Variants in EPB41L2 observed in about 807,000 individuals in gnomAD.
EPB41L2 encodes the protein erythrocyte membrane protein band 4.1 like 2, also known as band 4.1-like protein 2.
In EPB41L2, 43 loss-of-function variants were observed where a neutral mutation model predicts 113.0. That is an observed-to-expected ratio of 0.38 (90% CI 0.30 to 0.49). EPB41L2 has a LOEUF of 0.49. EPB41L2 is among the 20% of genes least tolerant of loss of function. EPB41L2 has a pLI of 0.95. For missense variants in EPB41L2, 1,147 were observed against 1,223.4 expected (o/e 0.94, Z 0.93); for synonymous variants, 442 against 436.7 (o/e 1.01, Z -0.15).
At chr6:130,902,755 A>G (rs1412436801) in intron 6 of EPB41L2, among the ~76,000 whole-genome samples, 1 of 152,120 alleles carries the variant, frequency 6.6e-6, no homozygotes, top group Non-Finnish European at 1.5e-5. Flanking sequence ...TGCTTTTCAC[A>G]TTGGTCCTTT....
chr6:131,031,580 ATTC>A (rs1792166940), intron 1 of EPB41L2, among the ~76,000 whole-genome samples: 2 of 152,190 alleles, frequency 1.3e-5, no homozygotes, highest in Non-Finnish European at 2.9e-5. Flanking sequence ...TCCTCATTCA[ATTC>A]TTCTGTCATA....
At position 130,869,875 on chromosome 6, in the gene EPB41L2, G is replaced by A; in HGVS notation, c.2295C>T (p.Gly765=). The part of the protein sequence containing the change: ...EYRPHHRVTE[G]TIREEQEYEE... ...CATACTCCTGTTCCTCCCTGATGGT[G>A]CCCTCGGTCACTCGGTGGTGGGGAC... Residue 765 remains glycine (G), a synonymous_variant, in exon 15 of 20, where the codon GGC becomes GGT. Coordinates refer to ENST00000337057, the MANE Select transcript of EPB41L2 (RefSeq NM_001431.4). The A allele has an allele frequency of 1.2e-6, 2 of 1,613,026 alleles. No individual in the cohort carries two copies.
chr6:130,967,201 C>T (rs1439635950), intron 1 of EPB41L2, among the ~76,000 whole-genome samples: 1 of 152,118 alleles, frequency 6.6e-6, no homozygotes, highest in Non-Finnish European at 1.5e-5. Flanking sequence ...AGTCAGCCAT[C>T]TATATCCAAG....
At chr6:131,014,114 T>C (rs1468108031) in intron 1 of EPB41L2, 7 of 151,302 alleles carry the variant, frequency 4.6e-5, no homozygotes, top group Non-Finnish European at 1.0e-4. Flanking sequence ...ATATCTTTCA[T>C]TTGAATCTGA....
chr6:131,053,335 G>A (rs992995413), intron 1 of EPB41L2, among the ~76,000 whole-genome samples: 2 of 148,648 alleles, frequency 1.3e-5, no homozygotes, highest in South Asian at 4.2e-4. Flanking sequence ...GTGGCAGACT[G>A]TCACGGTTAC....
chr6:130,862,629 C>T (rs1782510632), intron 18 of EPB41L2, among the ~76,000 whole-genome samples: 1 of 152,158 alleles, frequency 6.6e-6, no homozygotes, highest in Admixed American at 6.5e-5. Flanking sequence ...GTCAAGGCAA[C>T]CTTTTAACCT....
intron 3 of EPB41L2, among the ~76,000 whole-genome samples, chr6:130,953,194 T>C (rs1313464758): frequency 6.6e-6 from 1 of 151,904 alleles, no homozygotes; most frequent in Non-Finnish European, 1.5e-5. Flanking sequence ...CAATCAAATA[T>C]AATGTAATCA....
chr6:130,947,572 C>T (rs903565456), intron 3 of EPB41L2, among the ~76,000 whole-genome samples: 19 of 152,272 alleles, frequency 1.2e-4, no homozygotes, highest in Middle Eastern at 3.4e-3. Flanking sequence ...TACAGTTTCC[C>T]ATATCTACTT....
chr6:130,897,464 A>G (rs913529755), intron 8 of EPB41L2, among the ~76,000 whole-genome samples: 4 of 152,226 alleles, frequency 2.6e-5, no homozygotes, highest in African/African-American at 4.8e-5. Flanking sequence ...TACTTAGAAC[A>G]GAGTCCACAA....
chr6:131,026,113 C>T (rs1231612894), intron 1 of EPB41L2, among the ~76,000 whole-genome samples: 1 of 152,126 alleles, frequency 6.6e-6, no homozygotes, highest in Non-Finnish European at 1.5e-5. Context: ...GAACTTAGTC[C>T]CTTCTAGCAA....
intron 1 of EPB41L2, among the ~76,000 whole-genome samples, chr6:130,993,818 T>C (rs1485187556): frequency 6.6e-6 from 1 of 152,182 alleles, no homozygotes; most frequent in Non-Finnish European, 1.5e-5. Context: ...GCAGAGTAGG[T>C]TGCCCCAGTA....
intron 1 of EPB41L2, among the ~76,000 whole-genome samples, chr6:130,972,040 A>C (rs959578989): frequency 7.2e-5 from 11 of 152,136 alleles, no homozygotes; most frequent in Admixed American, 7.2e-4. Context: ...ATGACTAAAA[A>C]TGGCCAGGTC....
At position 130,955,325 on chromosome 6, in the gene EPB41L2, G is replaced by A; in HGVS notation, c.493-8C>T. Reference sequence around the variant, plus strand: ...ACTTACTAATTCAGTAGGCTGTTGAGGAAAAAAAAATAAATTCATACTATA... The same window carrying A: ...ACTTACTAATTCAGTAGGCTGTTGAAGAAAAAAAAATAAATTCATACTATA... On this transcript the variant is annotated splice_polypyrimidine_tract_variant and splice_region_variant and intron_variant, in intron 2 of 19. Coordinates refer to ENST00000337057, the MANE Select transcript of EPB41L2 (RefSeq NM_001431.4). 6.4e-7 allele frequency: 1 copy of A among 1,571,264 alleles called. No individual in the cohort carries two copies. Among genetic ancestry groups the A allele is most frequent in the Non-Finnish European group, 8.5e-7 (1 of 1,170,130 alleles).
chr6:131,057,940 A>G (rs1239817320), intron 1 of EPB41L2, among the ~76,000 whole-genome samples: 2 of 152,242 alleles, frequency 1.3e-5, no homozygotes, highest in East Asian at 3.8e-4. Context: ...ATGATGCCGA[A>G]CTTAGTTATC....
chr6:130,895,814 C>T (rs1453854931), intron 8 of EPB41L2, among the ~76,000 whole-genome samples: 8 of 152,106 alleles, frequency 5.3e-5, no homozygotes, highest in African/African-American at 7.2e-5. Flanking sequence ...AATCTGGAAT[C>T]GATGACAATC....
At chr6:131,001,144 C>A (rs1053945259) in intron 1 of EPB41L2, among the ~76,000 whole-genome samples, 8 of 151,972 alleles carry the variant, frequency 5.3e-5, no homozygotes, top group African/African-American at 1.9e-4. Context: ...TGAGTGCGTA[C>A]ATGCTATCAC....
chr6:130,919,132 G>T (rs1802046807), intron 4 of EPB41L2, among the ~76,000 whole-genome samples: 1 of 152,150 alleles, frequency 6.6e-6, no homozygotes, highest in Non-Finnish European at 1.5e-5. Flanking sequence ...GAATGTCTCA[G>T]AAAGGACACC....
intron 19 of EPB41L2, among the ~76,000 whole-genome samples, chr6:130,848,272 T>C (rs1235263459): frequency 6.6e-6 from 1 of 150,504 alleles, no homozygotes; most frequent in African/African-American, 2.4e-5. Context: ...GCCATATTAG[T>C]TTAAGGTTGT....
chr6:130,993,884 G>A lies in EPB41L2; in HGVS notation c.-14-37385C>T, dbSNP rs143502651. Among the ~76,000 whole-genome samples the A allele has an allele frequency of 3.2e-4, 49 of 152,200 alleles. No individual in the cohort carries two copies. In the East Asian group the frequency reaches 8.7e-3, roughly 27 times the overall value. ...CCACCATCAGGGTTACCCTTGGCTC[G>A]GATGAAAAATGTTTAAAAACCAACC... On this transcript the variant is annotated intron_variant, in intron 1 of 19. Coordinates refer to ENST00000337057, the MANE Select transcript of EPB41L2 (RefSeq NM_001431.4).
Sources: gnomAD v4.1 joint callset for allele counts (sites outside exome capture counted in the v4.1 genomes callset) on GRCh38, gnomAD v4.1.1 for gene constraint, MANE v1.5 for transcripts, NCBI Gene and HGNC (gene_info 2026-07-23, HGNC 2026-07-21) for gene names.